RNF213: variants seen among roughly 807,000 people sequenced by gnomAD.
RNF213 encodes the protein ring finger protein 213.
RNF213 carries 341 observed loss-of-function variants against 514.4 expected under a neutral mutation model. The ratio of observed to expected loss-of-function variants is 0.66; its 90% CI spans 0.61 to 0.73. The LOEUF (loss-of-function observed/expected upper bound fraction) is 0.73. Ranked by LOEUF, RNF213 falls within the 30% of genes least tolerant of loss-of-function variation. The pLI is 0.00. For missense variants in RNF213, 5,767 were observed against 6,615.6 expected, an observed-to-expected ratio of 0.87 and a Z score of 4.45; for synonymous variants, 2,655 against 2,658.2, an observed-to-expected ratio of 1.00 and a Z score of 0.04.
In RNF213 at chr17:80,396,908, C is replaced by T. The variant is rs1260976963; in HGVS notation, c.*3410C>T. On this transcript the variant is annotated 3_prime_UTR_variant, in exon 68 of 68. Transcript: ENST00000582970. ...AGGGGCCCTGGGTCCAGCAAGTGCT[C>T]CACCAGGCTGCCCCTGCTCAGGTGC... is the stretch of plus-strand genomic sequence containing the variant. 1 of 152,252 alleles carries T rather than the reference C, an allele frequency of 6.6e-6. No individual in the cohort carries two copies. Among genetic ancestry groups the T allele is most frequent in the Non-Finnish European group, 1.5e-5 (1 of 68,122 alleles). 9.4% of individuals were successfully genotyped at this position (152,252 alleles called of 1,614,324 possible). A position where few individuals can be genotyped will look rare whatever the true frequency, so the allele number is the denominator to read the frequency against.
rs780533384 is a variant in RNF213 at position 80,307,125 on chromosome 17, T to G, written c.2428-3T>G. 30 of 1,613,654 alleles carry G rather than the reference T, an allele frequency of 1.9e-5. No individual in the cohort carries two copies. Among genetic ancestry groups the G allele is most frequent in the Non-Finnish European group, 2.5e-5 (29 of 1,179,784 alleles). On this transcript the variant is annotated splice_region_variant and splice_polypyrimidine_tract_variant and intron_variant, in intron 12 of 67. Transcript: ENST00000582970. ...CCTGTTTTTCTTTTTTTCTCTGCCT[T>G]AGGATGTTCAGGATGTTCAGAACGT...
chr17:80,366,685 G>A (rs2079288821), intron 42 of RNF213, among the ~76,000 whole-genome samples: 1 of 147,024 alleles, frequency 6.8e-6, no homozygotes, highest in Non-Finnish European at 1.5e-5. Flanking sequence ...AAAAAAATCT[G>A]TAAATGTCAT....
chr17:80,360,983 C>T (rs772291975), intron 38 of RNF213, among the ~76,000 whole-genome samples: 14 of 152,244 alleles, frequency 9.2e-5, no homozygotes, highest in Middle Eastern at 3.4e-3. Flanking sequence ...GGCTGCACCC[C>T]GCCCACTAGA....
chr17:80,327,720 G>A lies in RNF213; in HGVS notation c.3194-96G>A, dbSNP rs912838406. The A allele has an allele frequency of 9.4e-6, 10 of 1,059,110 alleles. No homozygotes were observed. The Admixed American group carries it at 1.7e-4, about 18-fold the overall frequency. The allele number at this position is 1,059,110 out of a possible 1,614,324, so 65.6% of individuals were successfully genotyped here. A position where few individuals can be genotyped will look rare whatever the true frequency, so the allele number is the denominator to read the frequency against. On this transcript the variant is annotated intron_variant, in intron 18 of 67. Transcript: ENST00000582970. ...CCATTGCCTGTGTTTGAGGAAGTGGGGGCAGAACAAGAGGTTATCTGGAAT... is the reference window on the plus strand; with the variant it reads ...CCATTGCCTGTGTTTGAGGAAGTGGAGGCAGAACAAGAGGTTATCTGGAAT...
In RNF213 at chr17:80,332,433, G is replaced by A. The variant is rs373154701; in HGVS notation, c.3945G>A (p.Thr1315=). Residue 1315 remains threonine (T), a synonymous_variant, in exon 21 of 68, where the codon ACG becomes ACA. Coordinates refer to ENST00000582970, the MANE Select transcript of RNF213 (RefSeq NM_001256071.3). The part of the protein sequence containing the change: ...VIFKDFVNKY[T]DLDSELKIMC... ...TCAAGGACTTTGTGAATAAATACACGGACCTGGATTCAGAACTTAAGATCA... is the reference window on the plus strand; with the variant it reads ...TCAAGGACTTTGTGAATAAATACACAGACCTGGATTCAGAACTTAAGATCA... 1.3e-4 allele frequency: 206 copies of A among 1,537,140 alleles called. No individual in the cohort carries two copies. In the African/African-American group the frequency reaches 2.4e-3, roughly 18 times the overall value.
chr17:80,355,476 G>C (rs538409868), intron 36 of RNF213, among the ~76,000 whole-genome samples: 1 of 107,836 alleles, frequency 9.3e-6, no homozygotes, highest in Non-Finnish European at 2.0e-5. Context: ...GACCGGGAAT[G>C]GGGGCTCACA....
intron 15 of RNF213, chr17:80,315,777 GGTGGTGGT>G: frequency 2.4e-5 from 1 of 42,226 alleles, no homozygotes; most frequent in South Asian, 9.1e-4. Flanking sequence ...TGCTGGTGGT[GGTGGTGGT>G]GGTGGTGGTG....
intron 20 of RNF213, among the ~76,000 whole-genome samples, chr17:80,329,542 A>G (rs2046360365): frequency 6.6e-6 from 1 of 152,114 alleles, no homozygotes; most frequent in African/African-American, 2.4e-5. Flanking sequence ...TCTATGTTCC[A>G]TCGAGGCTGG....
intron 6 of RNF213, 60 bp from the exon 7 acceptor site, chr17:80,290,510 T>C: frequency 6.2e-7 from 1 of 1,606,948 alleles, no homozygotes; most frequent in Non-Finnish European, 8.5e-7. Flanking sequence ...CGTGTGTGCA[T>C]GCACATGGCA....
At position 80,325,164 on chromosome 17, in the gene RNF213, G is replaced by T. The variant is rs370939163; in HGVS notation, c.3159G>T (p.Thr1053=). The change falls in exon 18 of 68, where the codon ACG becomes ACT. Residue 1053 remains threonine (T), a synonymous_variant. Transcript: ENST00000582970. The part of the protein sequence containing the change: ...NFDDILKHLL[T]LADVKHVFRL... ...ATGACATTTTAAAGCATCTGCTCAC[G>T]TTGGCAGATGTCAAGCACGTCTTCA... is the stretch of plus-strand genomic sequence containing the variant. The T allele has an allele frequency of 2.0e-6, 3 of 1,535,746 alleles. No individual in the cohort carries two copies. The highest frequency in any genetic ancestry group is 2.4e-5 in the South Asian group (2 of 84,022).
At chr17:80,327,218 C>T (rs2046302557) in intron 18 of RNF213, among the ~76,000 whole-genome samples, 1 of 152,160 alleles carries the variant, frequency 6.6e-6, no homozygotes, top group Non-Finnish European at 1.5e-5. Flanking sequence ...TATACTCAGG[C>T]CATGTGAGGT....
At position 80,332,159 on chromosome 17, in the gene RNF213, T is replaced by C. The variant is rs1402713573; in HGVS notation, c.3671T>C (p.Ile1224Thr). The change falls in exon 21 of 68, where the codon ATA (isoleucine) becomes ACA (threonine). Residue 1224 changes from isoleucine (I) to threonine (T), a missense_variant. By Grantham distance (89) the Ile-to-Thr change is moderately conservative (BLOSUM62 -1). Coordinates refer to ENST00000582970, the MANE Select transcript of RNF213 (RefSeq NM_001256071.3). ...CAGGTCCAAGAAATGGCTGGGAAGA[T>C]AGACTTGCTCAGAGACAGCCACATC... Reference protein sequence around the residue: ...SSQVQEMAGKIDLLRDSHIFQ... With the variant: ...SSQVQEMAGKTDLLRDSHIFQ... The C allele has an allele frequency of 3.9e-6, 6 of 1,537,024 alleles. No individual in the cohort carries two copies. The highest frequency in any genetic ancestry group is 5.2e-6 in the Non-Finnish European group (6 of 1,146,922).
At position 80,357,576 on chromosome 17, in the gene RNF213, ATATT is replaced by A. The variant is rs1235660128; in HGVS notation, c.10863-706_10863-703del. ...AGTCTATCTACAACAGATTTTTAAA[ATATT>A]TATTTTTTCCAAATGAATCGTCATA... On this transcript the variant is annotated intron_variant, in intron 36 of 67. Transcript: ENST00000582970. Among the ~76,000 whole-genome samples the A allele has an allele frequency of 4.6e-5, 7 of 152,342 alleles. No individual in the cohort carries two copies. The East Asian group carries it at 1.3e-3, about 29-fold the overall frequency.
intron 41 of RNF213, 128 bp downstream of exon 41, chr17:80,363,918 C>T (rs2079151726): frequency 7.7e-6 from 7 of 909,242 alleles, no homozygotes; most frequent in South Asian, 2.8e-5. Context: ...CGTCCTCACC[C>T]GTTCACTCCG....
chr17:80,333,608 C>G (rs1023360733), intron 21 of RNF213, among the ~76,000 whole-genome samples: 1 of 151,178 alleles, frequency 6.6e-6, no homozygotes, highest in Non-Finnish European at 1.5e-5. Context: ...GCAGGAGGAT[C>G]GCTTGAACCA....
In RNF213 at chr17:80,372,766, T is replaced by TTTA. The variant is rs536538753; in HGVS notation, c.12751+33_12751+35dup. 712 of 1,597,618 alleles carry TTTA rather than the reference T, an allele frequency of 4.5e-4. 3 individuals carry two copies. In the East Asian group the frequency reaches 0.013, roughly 29 times the overall value. Reference sequence around the variant, plus strand: ...CTTCTCTGCCTTGCTTTCCTTTGGGTTTAAAGACTCCGTTATTTAGAAATT... The same window carrying TTTA: ...CTTCTCTGCCTTGCTTTCCTTTGGGTTTATTAAAGACTCCGTTATTTAGAAATT... On this transcript the variant is annotated intron_variant, in intron 48 of 67. Transcript: ENST00000582970.
At chr17:80,360,942 C>T (rs969372601) in intron 38 of RNF213, among the ~76,000 whole-genome samples, 1 of 152,124 alleles carries the variant, frequency 6.6e-6, no homozygotes, top group African/African-American at 2.4e-5. Context: ...CCCAACTGAC[C>T]CTGCTTTTCT....
chr17:80,297,035 G>A (rs1209687094), intron 10 of RNF213, among the ~76,000 whole-genome samples: 3 of 152,126 alleles, frequency 2.0e-5, no homozygotes, highest in Non-Finnish European at 4.4e-5. Context: ...CAAAGAGGAG[G>A]AGTGGAGGCA....
At chr17:80,369,051 T>C (rs1423036272) in intron 44 of RNF213, among the ~76,000 whole-genome samples, 6 of 152,118 alleles carry the variant, frequency 3.9e-5, no homozygotes, top group African/African-American at 1.4e-4. Flanking sequence ...TCTGCTGAGG[T>C]TTTGAAGACT....
Sources: allele counts gnomAD v4.1 joint callset (sites outside exome capture counted in the v4.1 genomes callset), GRCh38; gene constraint gnomAD v4.1.1; transcripts MANE v1.5; gene names NCBI Gene and HGNC (gene_info 2026-07-23, HGNC 2026-07-21).